The following DHCR24 variants were observed in gnomAD, a reference collection of about 807,000 sequenced individuals.
DHCR24 encodes 24-dehydrocholesterol reductase.
A neutral mutation model predicts 61.2 loss-of-function variants in DHCR24; 28 were observed. The ratio of observed to expected loss-of-function variants is 0.46; its 90% CI spans 0.34 to 0.63. DHCR24 has a LOEUF of 0.63. Ranked by LOEUF, DHCR24 falls within the 20% of genes least tolerant of loss-of-function variation. The pLI is 0.01. For synonymous variants in DHCR24, 261 were observed against 275.9 expected, an observed-to-expected ratio of 0.95 and a Z score of 0.54; for missense variants, 538 against 679.1, an observed-to-expected ratio of 0.79 and a Z score of 2.31.
chr1:54,886,584 CT>C, intron 1 of DHCR24: 4 of 1,412,172 alleles, frequency 2.8e-6, no homozygotes, highest in Non-Finnish European at 1.9e-6. Flanking sequence ...GAAGCCTTTC[CT>C]TCTCTGAAAT....
At chr1:54,857,763 C>A (rs71637874) in intron 6 of DHCR24, among the ~76,000 whole-genome samples, 5,641 of 152,246 alleles carry the variant, frequency 0.037, 136 homozygotes, top group Non-Finnish European at 0.056. Flanking sequence ...ATATTTAGTA[C>A]CTTTAATGGC....
chr1:54,887,167 T>A lies in DHCR24; in HGVS notation c.-48A>T, dbSNP rs1647104914. On this transcript the variant is annotated 5_prime_UTR_variant, in exon 1 of 9. Coordinates refer to ENST00000371269, the MANE Select transcript of DHCR24 (RefSeq NM_014762.4). ...GCTGCGGGTTCGCGCCTCCTGTCAC[T>A]GCCGCCAGCTCCGCGCCTGGCCCGC... 1.4e-6 allele frequency: 2 copies of A among 1,480,424 alleles called. No individual in the cohort carries two copies. Among genetic ancestry groups the A allele is most frequent in the South Asian group, 1.2e-5 (1 of 82,184 alleles). The allele number at this position is 1,480,424 out of a possible 1,614,324, so 91.7% of individuals were successfully genotyped here.
At chr1:54,852,521 T>A in intron 8 of DHCR24, 135 bp from the exon 9 acceptor site, 1 of 979,750 alleles carries the variant, frequency 1.0e-6, no homozygotes, top group Non-Finnish European at 1.6e-6. Context: ...GTTAACCTGG[T>A]GAAGAAGATG....
chr1:54,870,266 G>A (rs561766271), intron 5 of DHCR24, among the ~76,000 whole-genome samples: 84 of 151,948 alleles, frequency 5.5e-4, no homozygotes, highest in African/African-American at 1.5e-3. Context: ...AATAGGTCTC[G>A]AAGAATGCAC....
At chr1:54,879,352 A>AAAAAAAAT in intron 2 of DHCR24, among the ~76,000 whole-genome samples, 1 of 128,234 alleles carries the variant, frequency 7.8e-6, no homozygotes, top group African/African-American at 3.1e-5. Context: ...AAAAAAAAAA[A>AAAAAAAAT]TCCAAATCAA....
intron 6 of DHCR24, among the ~76,000 whole-genome samples, chr1:54,857,436 G>A (rs548085194): frequency 2.6e-5 from 4 of 152,328 alleles, no homozygotes; most frequent in South Asian, 4.2e-4. Context: ...TTAGCCAACC[G>A]CTTATACTAA....
intron 6 of DHCR24, among the ~76,000 whole-genome samples, chr1:54,861,995 G>A (rs1342054059): frequency 6.6e-6 from 1 of 152,128 alleles, no homozygotes; most frequent in Non-Finnish European, 1.5e-5. Flanking sequence ...AGCAACTGTA[G>A]CCATTAGTAC....
At chr1:54,877,595 A>G (rs559330489) in intron 2 of DHCR24, among the ~76,000 whole-genome samples, 1 of 151,936 alleles carries the variant, frequency 6.6e-6, no homozygotes, top group East Asian at 2.0e-4. Flanking sequence ...AAAATAAAAA[A>G]ATAAAAAATT....
At chr1:54,855,330 C>T (rs1388109486) in intron 6 of DHCR24, among the ~76,000 whole-genome samples, 1 of 150,584 alleles carries the variant, frequency 6.6e-6, no homozygotes, top group Non-Finnish European at 1.5e-5. Context: ...GGAGGCGGAG[C>T]TTGCAGTGAG....
At chr1:54,874,152 GTATT>G (rs1557437266) in intron 4 of DHCR24, among the ~76,000 whole-genome samples, 1 of 152,194 alleles carries the variant, frequency 6.6e-6, no homozygotes. Flanking sequence ...TAAGCTAACA[GTATT>G]TATTATTGAA....
At position 54,883,858 on chromosome 1, in the gene DHCR24, G is replaced by T; in HGVS notation, c.232-85C>A. The T allele has an allele frequency of 6.4e-7, 1 of 1,568,928 alleles. No individual in the cohort carries two copies. The highest frequency in any genetic ancestry group is 1.1e-5 in the South Asian group (1 of 89,818). On this transcript the variant is annotated intron_variant, in intron 1 of 8. Transcript: ENST00000371269. This position sits in a 1 kb window ranked among gnomAD's most constrained non-coding sequence, Gnocchi z 4.3. ...GCCCTGCTTTCTTCAAGGGCGAGCT[G>T]GGAATGATGCCTCCATCAGGCACTG...
Position 54,854,055 on chromosome 1 carries a change from G to A in DHCR24, c.1200C>T (p.Thr400=), listed in dbSNP as rs1335777494. The change falls in exon 7 of 9, where the codon ACC becomes ACT. Residue 400 remains threonine, a synonymous_variant. Coordinates refer to ENST00000371269, the MANE Select transcript of DHCR24 (RefSeq NM_014762.4). The part of the protein sequence containing the change: ...PMKCLQQALH[T]FQNDIHVYPI... ...CACTCACGTGGATGTCGTTTTGGAA[G>A]GTGTGCAGGGCCTGCTGCAGGCACT... 8 of 1,613,370 alleles carry A rather than the reference G, an allele frequency of 5.0e-6. No individual in the cohort carries two copies. Among genetic ancestry groups the A allele is most frequent in the Non-Finnish European group, 5.9e-6 (7 of 1,179,748 alleles).
At chr1:54,860,748 G>A (rs1428460185) in intron 6 of DHCR24, among the ~76,000 whole-genome samples, 3 of 152,146 alleles carry the variant, frequency 2.0e-5, no homozygotes, top group Non-Finnish European at 1.5e-5. Flanking sequence ...CACTTTGGGA[G>A]GCCGGGGCGG....
intron 1 of DHCR24, among the ~76,000 whole-genome samples, chr1:54,884,921 G>A (rs1174327751): frequency 9.2e-5 from 14 of 152,342 alleles, no homozygotes; most frequent in Non-Finnish European, 1.5e-5. Context: ...AGGGCCAACA[G>A]ATGGCAGAGG....
chr1:54,873,771 T>C (rs1469376196), intron 4 of DHCR24, among the ~76,000 whole-genome samples: 1 of 152,180 alleles, frequency 6.6e-6, no homozygotes, highest in Non-Finnish European at 1.5e-5. Flanking sequence ...TGCTGCAGCC[T>C]CCACAGTAGC....
At chr1:54,856,361 G>C (rs1269721375) in intron 6 of DHCR24, among the ~76,000 whole-genome samples, 1 of 152,186 alleles carries the variant, frequency 6.6e-6, no homozygotes, top group Admixed American at 6.5e-5. Context: ...GCTTTGGGAG[G>C]CTGAGCGGGC....
At chr1:54,885,448 G>A (rs1647087862) in intron 1 of DHCR24, among the ~76,000 whole-genome samples, 2 of 152,178 alleles carry the variant, frequency 1.3e-5, no homozygotes, top group Admixed American at 1.3e-4. Context: ...GGGAAAGCCT[G>A]GGAAAGAAGA....
chr1:54,879,352 A>AAAAAAAAAAAAAAAAAAG (rs573285056), intron 2 of DHCR24, among the ~76,000 whole-genome samples: 4 of 128,162 alleles, frequency 3.1e-5, no homozygotes, highest in South Asian at 2.4e-4. Flanking sequence ...AAAAAAAAAA[A>AAAAAAAAAAAAAAAAAAG]TCCAAATCAA....
chr1:54,873,037 C>T (rs1256436824), intron 4 of DHCR24, among the ~76,000 whole-genome samples: 1 of 152,196 alleles, frequency 6.6e-6, no homozygotes, highest in Non-Finnish European at 1.5e-5. Context: ...CCTATCCCAC[C>T]CCTTAGGTAA....
Sources: gnomAD v4.1 joint callset for allele counts (sites outside exome capture counted in the v4.1 genomes callset) on GRCh38, gnomAD v4.1.1 for gene constraint, Gnocchi (gnomAD v3.1) non-coding constraint, MANE v1.5 for transcripts, NCBI Gene and HGNC (gene_info 2026-07-23, HGNC 2026-07-21) for gene names.